The following RPS6KC1 variants were observed in gnomAD, a reference collection of about 807,000 sequenced individuals.
RPS6KC1 encodes the protein inactive ribosomal protein S6 kinase delta-1.
A neutral mutation model predicts 103.8 loss-of-function variants in RPS6KC1; 54 were observed. The ratio of observed to expected loss-of-function variants is 0.52; its 90% confidence interval spans 0.42 to 0.65. RPS6KC1 has a LOEUF of 0.65. RPS6KC1 is among the 30% of genes least tolerant of loss of function. The pLI, the probability that RPS6KC1 is intolerant of heterozygous loss-of-function variation, is 0.00. For missense variants in RPS6KC1, 1,151 were observed against 1,253.8 expected, an observed-to-expected ratio of 0.92 and a Z score of 1.24; for synonymous variants, 439 against 438.7, an observed-to-expected ratio of 1.00 and a Z score of -0.01.
At chr1:213,522,339 T>C in the RPS6KC1 span, among the ~76,000 whole-genome samples, 4 of 152,194 alleles carry the variant, frequency 2.6e-5, no homozygotes, top group Admixed American at 6.5e-5. Flanking sequence ...TGTCATCTAG[T>C]CTTTGTTGTT....
the RPS6KC1 span, among the ~76,000 whole-genome samples, chr1:213,566,488 T>TTTTTTTTTTTTC: frequency 8.4e-6 from 1 of 118,922 alleles, no homozygotes; most frequent in Non-Finnish European, 1.8e-5. Context: ...TTTTTTTTTT[T>TTTTTTTTTTTTC]TTTGGATATT....
intron 6 of RPS6KC1, among the ~76,000 whole-genome samples, chr1:213,146,720 C>T (rs890439114): frequency 2.0e-5 from 3 of 151,264 alleles, no homozygotes; most frequent in Non-Finnish European, 4.4e-5. Flanking sequence ...CCACTGTGCC[C>T]GGCCGTGGGA....
chr1:213,270,972 A>C (rs927515404), intron 14 of RPS6KC1, among the ~76,000 whole-genome samples: 1 of 152,196 alleles, frequency 6.6e-6, no homozygotes, highest in Non-Finnish European at 1.5e-5. Flanking sequence ...CTCATACATA[A>C]AGGTTTGTGG....
chr1:213,482,845 C>T, the RPS6KC1 span, among the ~76,000 whole-genome samples: 1 of 152,004 alleles, frequency 6.6e-6, no homozygotes, highest in Non-Finnish European at 1.5e-5. Context: ...ATGTAAACAA[C>T]CACCTTGTGT....
chr1:213,611,041 C>T, the RPS6KC1 span, among the ~76,000 whole-genome samples: 1 of 152,178 alleles, frequency 6.6e-6, no homozygotes, highest in Non-Finnish European at 1.5e-5. Context: ...CTCACTGCAT[C>T]ATGTGTGAAT....
chr1:213,196,186 A>G (rs2092940354), intron 8 of RPS6KC1, among the ~76,000 whole-genome samples: 1 of 152,108 alleles, frequency 6.6e-6, no homozygotes, highest in South Asian at 2.1e-4. Flanking sequence ...TTCAGGAGTA[A>G]GGTGGTATTG....
the RPS6KC1 span, among the ~76,000 whole-genome samples, chr1:213,585,835 C>T: frequency 1.3e-5 from 2 of 152,114 alleles, no homozygotes; most frequent in Admixed American, 6.5e-5. Flanking sequence ...CAAAGGGTCC[C>T]ATGCAAACAA....
At chr1:213,616,137 G>A in the RPS6KC1 span, among the ~76,000 whole-genome samples, 2 of 152,232 alleles carry the variant, frequency 1.3e-5, no homozygotes, top group South Asian at 4.1e-4. Context: ...CATGGCCCCA[G>A]CTTCTAAGGA....
the RPS6KC1 span, among the ~76,000 whole-genome samples, chr1:213,503,599 A>G: frequency 6.6e-6 from 1 of 152,234 alleles, no homozygotes; most frequent in African/African-American, 2.4e-5. Context: ...GCCTATTAAC[A>G]GTTACTTATC....
At chr1:213,268,562 TA>T (rs2094965105) in intron 14 of RPS6KC1, among the ~76,000 whole-genome samples, 4 of 147,476 alleles carry the variant, frequency 2.7e-5, no homozygotes, top group African/African-American at 7.4e-5. Context: ...ATAATTTATT[TA>T]TATATTTATA....
At chr1:213,544,436 T>A in the RPS6KC1 span, among the ~76,000 whole-genome samples, 1 of 152,164 alleles carries the variant, frequency 6.6e-6, no homozygotes, top group Non-Finnish European at 1.5e-5. Context: ...ATACAATGGC[T>A]AAGCAAAAAT....
rs1017339160 is a variant in RPS6KC1 at position 213,051,278 on chromosome 1, T to C, written c.-127T>C. 8 of 653,830 alleles carry C rather than the reference T, an allele frequency of 1.2e-5. No individual in the cohort carries two copies. In the African/African-American group the frequency reaches 1.5e-4, roughly 12 times the overall value. 40.5% of individuals were successfully genotyped at this position (653,830 alleles called of 1,614,324 possible). ...GAGCTGTGCAGCTGAGGCGCCGCCGTGGAGCCGCCTTGGAGCCACCGCCCC... is the reference window on the plus strand; with the variant it reads ...GAGCTGTGCAGCTGAGGCGCCGCCGCGGAGCCGCCTTGGAGCCACCGCCCC... On this transcript the variant is annotated 5_prime_UTR_variant, in exon 1 of 15. Transcript: ENST00000366960.
At chr1:213,312,201 G>A in the RPS6KC1 span, among the ~76,000 whole-genome samples, 1 of 152,058 alleles carries the variant, frequency 6.6e-6, no homozygotes, top group Non-Finnish European at 1.5e-5. Context: ...GCCATCAGGA[G>A]GAGCTTCTGA....
intron 12 of RPS6KC1, 78 bp downstream of exon 12, chr1:213,242,736 T>C: frequency 8.8e-7 from 1 of 1,132,024 alleles, no homozygotes; most frequent in Non-Finnish European, 1.3e-6. Flanking sequence ...GTTGTATTTT[T>C]GTATTGTTCA....
the RPS6KC1 span, among the ~76,000 whole-genome samples, chr1:213,727,432 C>T: frequency 6.6e-6 from 1 of 152,104 alleles, no homozygotes; most frequent in Non-Finnish European, 1.5e-5. Flanking sequence ...ATGTGGATTT[C>T]CATTTGCAGG....
the RPS6KC1 span, among the ~76,000 whole-genome samples, chr1:213,724,562 G>T: frequency 6.6e-6 from 1 of 152,110 alleles, no homozygotes; most frequent in East Asian, 1.9e-4. Flanking sequence ...GCATTCACCC[G>T]ACAGCCTAGG....
chr1:213,312,058 G>A, the RPS6KC1 span, among the ~76,000 whole-genome samples: 6 of 151,878 alleles, frequency 4.0e-5, no homozygotes, highest in African/African-American at 9.7e-5. Context: ...CCACCATGCC[G>A]GACTAATTTT....
chr1:213,266,696 C>T (rs2094918638), intron 14 of RPS6KC1, among the ~76,000 whole-genome samples: 1 of 152,060 alleles, frequency 6.6e-6, no homozygotes, highest in African/African-American at 2.4e-5. Flanking sequence ...CACCTGAGGT[C>T]AGGAGTTCGA....
the RPS6KC1 span, among the ~76,000 whole-genome samples, chr1:213,428,401 ACCTC>A: frequency 2.5e-3 from 167 of 65,744 alleles, 1 homozygote; most frequent in African/African-American, 9.8e-3. Context: ...CTCTCTCTCC[ACCTC>A]CCTCCCTCCC....
Sources: allele counts gnomAD v4.1 joint callset (sites outside exome capture counted in the v4.1 genomes callset), GRCh38; gene constraint gnomAD v4.1.1; transcripts MANE v1.5; gene names NCBI Gene and HGNC (gene_info 2026-07-23, HGNC 2026-07-21).